The following LAMB4 variants were observed in gnomAD, a reference collection of about 807,000 sequenced individuals.
The protein encoded by LAMB4 is laminin subunit beta 4.
Under a neutral mutation model 199.2 loss-of-function variants are expected in LAMB4, and 196 were observed. The ratio of observed to expected loss-of-function variants is 0.98; its 90% CI spans 0.88 to 1.11. LAMB4 has a LOEUF of 1.11. Ranked by LOEUF, LAMB4 falls within the 50% of genes least tolerant of loss-of-function variation. The pLI, the probability that LAMB4 is intolerant of heterozygous loss-of-function variation, is 0.00. For synonymous variants in LAMB4, 744 were observed against 770.6 expected, an observed-to-expected ratio of 0.97 and a Z score of 0.57; for missense variants, 2,080 against 2,171.2, an observed-to-expected ratio of 0.96 and a Z score of 0.83.
At chr7:108,026,836 G>A (rs2034854972) in intron 33 of LAMB4, 3 of 510,670 alleles carry the variant, frequency 5.9e-6, no homozygotes, top group South Asian at 2.9e-5. Context: ...TTGTGGTTCC[G>A]CCCCTTCTCA....
chr7:108,081,125 T>A (rs2036920921), intron 14 of LAMB4, among the ~76,000 whole-genome samples: 2 of 151,954 alleles, frequency 1.3e-5, no homozygotes, highest in Admixed American at 1.3e-4. Context: ...TAAAATAAAA[T>A]AAAATAAAAT....
At chr7:108,027,640 C>T (rs762357112) in intron 33 of LAMB4, among the ~76,000 whole-genome samples, 7 of 152,162 alleles carry the variant, frequency 4.6e-5, no homozygotes, top group Non-Finnish European at 8.8e-5. Flanking sequence ...ATAATAAATA[C>T]AACCAAGGGT....
At chr7:108,022,018 GAGAC>G (rs1405178865), downstream of LAMB4, among the ~76,000 whole-genome samples, 1 of 105,024 alleles carries the variant, frequency 9.5e-6, no homozygotes, top group African/African-American at 1.4e-4. Flanking sequence ...ACAAGACAGA[GAGAC>G]AGCTGCAAGT....
the LAMB4 span, among the ~76,000 whole-genome samples, chr7:108,014,189 T>C: frequency 6.6e-6 from 1 of 152,224 alleles, no homozygotes; most frequent in Admixed American, 6.5e-5. Flanking sequence ...TTTTCAGTAG[T>C]GATCCTTTAT....
At chr7:108,121,300 ACT>A (rs1404609280) in intron 2 of LAMB4, among the ~76,000 whole-genome samples, 1 of 152,218 alleles carries the variant, frequency 6.6e-6, no homozygotes, top group African/African-American at 2.4e-5. Context: ...TATAGAAATT[ACT>A]GTTACTATAT....
rs1269809815 is a variant in LAMB4, at chr7:108,127,177, T to G, written c.-34+3129A>C. Among the ~76,000 whole-genome samples the G allele has an allele frequency of 4.9e-4, 31 of 63,336 alleles. 1 individual carries two copies. Among genetic ancestry groups the G allele is most frequent in the African/African-American group, 1.2e-3 (31 of 24,922 alleles). 41.6% of individuals were successfully genotyped at this position (63,336 alleles called of 152,430 possible). A position where few individuals can be genotyped will look rare whatever the true frequency, so the allele number is the denominator to read the frequency against. ...TACTGCACATTAAAATCACCAGGGT[T>G]TTTTTTTTTGTGTTTTTTTTTTTTT... On this transcript the variant is annotated intron_variant, in intron 1 of 33. Transcript: ENST00000388781.
intron 16 of LAMB4, among the ~76,000 whole-genome samples, chr7:108,077,799 A>G (rs762921519): frequency 2.0e-5 from 3 of 152,252 alleles, no homozygotes; most frequent in Non-Finnish European, 4.4e-5. Flanking sequence ...AGAGTAATCA[A>G]GCTGAATGTT....
intron 12 of LAMB4, among the ~76,000 whole-genome samples, chr7:108,092,927 G>T (rs994687393): frequency 3.3e-5 from 5 of 152,004 alleles, no homozygotes; most frequent in African/African-American, 1.2e-4. Context: ...AAAATGAAGG[G>T]GACAGGAAGG....
At chr7:108,082,067 A>C (rs903782666) in intron 14 of LAMB4, among the ~76,000 whole-genome samples, 2 of 152,210 alleles carry the variant, frequency 1.3e-5, no homozygotes, top group Non-Finnish European at 2.9e-5. Flanking sequence ...GAGGTGGCTC[A>C]CGCCTGTAAT....
chr7:108,086,169 A>C (rs1432480157), intron 14 of LAMB4, among the ~76,000 whole-genome samples: 1 of 152,194 alleles, frequency 6.6e-6, no homozygotes, highest in East Asian at 1.9e-4. Context: ...TGACTGATGC[A>C]GGAACGCAAC....
intron 29 of LAMB4, among the ~76,000 whole-genome samples, chr7:108,042,586 C>T (rs2035455888): frequency 6.6e-6 from 1 of 152,098 alleles, no homozygotes; most frequent in African/African-American, 2.4e-5. Flanking sequence ...TTTGAATCAA[C>T]AACATGTCCA....
chr7:108,062,932 G>C lies in LAMB4; in HGVS notation c.3124C>G (p.Leu1042Val). ...MECPPGGGAC[L>V]CDPVTGACPC... is the part of the protein sequence containing the mutation. ...CATGCACCAGTGACAGGGTCACAGA[G>C]GCAAGCTCCCCCACCAGGGGGACAC... The change falls in exon 23 of 34, where the codon CTC becomes GTC. Residue 1042 changes from leucine (L) to valine (V), a missense_variant. Coordinates refer to ENST00000388781, the MANE Select transcript of LAMB4 (RefSeq NM_007356.3). 6.2e-7 allele frequency: 1 copy of C among 1,608,832 alleles called. No individual in the cohort carries two copies. The highest frequency in any genetic ancestry group is 1.7e-5 in the Admixed American group (1 of 59,184).
chr7:108,102,259 T>C (rs951024748), intron 10 of LAMB4, among the ~76,000 whole-genome samples: 3 of 152,170 alleles, frequency 2.0e-5, no homozygotes, highest in Admixed American at 6.5e-5. Context: ...CTACCTGATA[T>C]AGAAAAGTCT....
At chr7:108,016,651 G>A in the LAMB4 span, among the ~76,000 whole-genome samples, 20 of 152,174 alleles carry the variant, frequency 1.3e-4, no homozygotes, top group Non-Finnish European at 2.4e-4. Flanking sequence ...TCATATGTGA[G>A]AGCTGATACC....
intron 19 of LAMB4, among the ~76,000 whole-genome samples, chr7:108,066,898 T>C (rs1008247258): frequency 2.0e-5 from 3 of 151,644 alleles, no homozygotes; most frequent in Non-Finnish European, 4.4e-5. Context: ...TAATATAACC[T>C]CTAGTATTAA....
chr7:108,116,040 G>A lies in LAMB4; in HGVS notation c.156C>T (p.Ser52=). Residue 52 remains serine, a synonymous_variant, in exon 3 of 34, where the codon AGC becomes AGT. Coordinates refer to ENST00000388781, the MANE Select transcript of LAMB4 (RefSeq NM_007356.3). ...TGAGGATGCAGTATTTCTGGGCTCT[G>A]CTCAGCCCACAGGTAGAAGAAGCCA... The part of the protein sequence containing the change: ...QLMASSTCGL[S]RAQKYCILSY... The A allele has an allele frequency of 6.2e-7, 1 of 1,613,956 alleles. No homozygotes were observed. Among genetic ancestry groups the A allele is most frequent in the East Asian group, 2.2e-5 (1 of 44,882 alleles).
chr7:108,125,366 C>T (rs1306250873), intron 1 of LAMB4, among the ~76,000 whole-genome samples: 1 of 152,092 alleles, frequency 6.6e-6, no homozygotes, highest in Non-Finnish European at 1.5e-5. Context: ...TAGAACTGCC[C>T]GTGTGCTTCA....
intron 14 of LAMB4, among the ~76,000 whole-genome samples, chr7:108,089,781 G>T (rs926589791): frequency 1.3e-5 from 2 of 152,170 alleles, no homozygotes; most frequent in Admixed American, 1.3e-4. Context: ...TTCTACCTCA[G>T]CTTCCTGAGT....
At chr7:108,035,666 C>T (rs1419430883) in intron 30 of LAMB4, among the ~76,000 whole-genome samples, 1 of 148,052 alleles carries the variant, frequency 6.8e-6, no homozygotes, top group African/African-American at 2.5e-5. Flanking sequence ...GTAATCTTGC[C>T]ATCTTTTAAA....
Sources: gnomAD v4.1 joint callset for allele counts (sites outside exome capture counted in the v4.1 genomes callset) on GRCh38, gnomAD v4.1.1 for gene constraint, MANE v1.5 for transcripts, NCBI Gene and HGNC (gene_info 2026-07-23, HGNC 2026-07-21) for gene names.